TENM1: variants seen among roughly 807,000 people sequenced by gnomAD.
TENM1 encodes teneurin transmembrane protein 1, also known as teneurin-1.
Under a neutral mutation model 174.8 loss-of-function variants are expected in TENM1, and 35 were observed. The ratio of observed to expected loss-of-function variants is 0.20; its 90% CI spans 0.15 to 0.27. The LOEUF (loss-of-function observed/expected upper bound fraction) is 0.27, where lower values mean the gene tolerates loss of function less well. Among genes scored for constraint, TENM1 ranks in the 10% least tolerant of loss-of-function variants. TENM1 has a pLI of 1.00. For missense variants in TENM1, 1,633 were observed against 2,130.1 expected, an observed-to-expected ratio of 0.77 and a Z score of 4.59; for synonymous variants, 781 against 798.7, an observed-to-expected ratio of 0.98 and a Z score of 0.37.
exon 25 of TENM1, chrX:124,420,802 T>G (rs778618762): frequency 1.7e-6 from 2 of 1,208,360 alleles, no homozygotes; most frequent in Non-Finnish European, 1.1e-6. Context: ...TCTTTGCATC[T>G]TTGGCATAGC....
intron 1 of TENM1, among the ~76,000 whole-genome samples, chrX:124,922,474 T>C (rs1296077048): frequency 1.8e-5 from 2 of 111,193 alleles, no homozygotes; most frequent in Non-Finnish European, 3.8e-5. Context: ...CTTATATTTT[T>C]ATTACTTTTG....
chrX:124,588,443 A>G (rs1245159332), intron 11 of TENM1, among the ~76,000 whole-genome samples: 1 of 110,557 alleles, frequency 9.0e-6, no homozygotes, highest in Non-Finnish European at 1.9e-5. Context: ...CAGCAAGGAC[A>G]AAAAAACCAA....
intron 3 of TENM1, among the ~76,000 whole-genome samples, chrX:124,803,871 A>C (rs2055519315): frequency 8.9e-6 from 1 of 112,674 alleles, no homozygotes; most frequent in Non-Finnish European, 1.9e-5. Context: ...TGAACCTCAT[A>C]TGTGGCATTG....
chrX:124,520,560 G>A (rs771756486), exon 18 of TENM1: 16 of 1,208,710 alleles, frequency 1.3e-5, no homozygotes, highest in Admixed American at 2.2e-5. Flanking sequence ...CATAGATGTC[G>A]GTCTTGTTCC....
intron 25 of TENM1, chrX:124,412,039 T>A (rs2060542960): frequency 8.9e-6 from 1 of 112,538 alleles, no homozygotes. Context: ...AGCTGCTGAA[T>A]TGTGCCATCA....
intron 11 of TENM1, among the ~76,000 whole-genome samples, chrX:124,627,815 C>T (rs1202233369): frequency 8.9e-6 from 1 of 111,975 alleles, no homozygotes; most frequent in African/African-American, 3.2e-5. Flanking sequence ...CTCCAAGTTA[C>T]AAACCTATTA....
chrX:125,082,270 T>C, the TENM1 span, among the ~76,000 whole-genome samples: 6 of 111,093 alleles, frequency 5.4e-5, no homozygotes, highest in Admixed American at 2.9e-4. Context: ...ACTTCTTAAC[T>C]GGCCTTGCTG....
chrX:124,985,070 A>G, the TENM1 span, among the ~76,000 whole-genome samples: 5 of 112,286 alleles, frequency 4.5e-5, no homozygotes, highest in African/African-American at 9.7e-5. Flanking sequence ...TCAACAAAGC[A>G]TATGAATTAC....
chrX:125,007,871 C>A, the TENM1 span, among the ~76,000 whole-genome samples: 2 of 111,365 alleles, frequency 1.8e-5, no homozygotes, highest in African/African-American at 3.3e-5. Context: ...TGCAAGAGCT[C>A]CTGAAGGAAG....
At chrX:124,778,257 G>A (rs1428706820) in intron 3 of TENM1, among the ~76,000 whole-genome samples, 1 of 112,628 alleles carries the variant, frequency 8.9e-6, no homozygotes. Flanking sequence ...TTGTTTGCAG[G>A]TGGGAGGAGC....
chrX:124,923,483 A>T (rs1388675662), intron 1 of TENM1, among the ~76,000 whole-genome samples: 2 of 112,366 alleles, frequency 1.8e-5, no homozygotes, highest in Admixed American at 1.9e-4. Flanking sequence ...TAATCATAGT[A>T]TAACAATGTA....
At chrX:124,382,938 C>CTATT (rs3028397) in intron 30 of TENM1, 126 bp from the exon 34 acceptor site, 38,390 of 137,292 alleles carry the variant, frequency 0.28, 5,099 homozygotes, top group African/African-American at 0.41. Flanking sequence ...AATAAAACTC[C>CTATT]TATTTATTTA....
chrX:125,103,703 A>G, the TENM1 span, among the ~76,000 whole-genome samples: 1 of 112,684 alleles, frequency 8.9e-6, no homozygotes, highest in Non-Finnish European at 1.9e-5. Flanking sequence ...AATTAAGACT[A>G]GGCCGGGCGC....
chrX:124,816,246 C>T (rs2055892407), intron 3 of TENM1, among the ~76,000 whole-genome samples: 1 of 111,369 alleles, frequency 9.0e-6, no homozygotes, highest in African/African-American at 3.3e-5. Context: ...ACAAAATAAA[C>T]TTTTCTCAGA....
the TENM1 span, among the ~76,000 whole-genome samples, chrX:125,137,252 CA>C: frequency 2.7e-5 from 3 of 111,100 alleles, no homozygotes; most frequent in Non-Finnish European, 5.7e-5. Flanking sequence ...TGTATGGAGC[CA>C]TAGTGGCCTG....
intron 3 of TENM1, among the ~76,000 whole-genome samples, chrX:124,868,011 GT>G (rs2057038757): frequency 8.9e-6 from 1 of 111,765 alleles, no homozygotes; most frequent in South Asian, 3.7e-4. Context: ...AATATTCCAT[GT>G]TCATGGACTG....
exon 4 of TENM1, chrX:124,737,048 G>A: frequency 5.0e-6 from 6 of 1,211,304 alleles, no homozygotes; most frequent in Non-Finnish European, 6.7e-6. Context: ...GGAGCAGCTG[G>A]GCTGGGCTGG....
chrX:124,941,972 CTT>C (rs1372021930), intron 1 of TENM1, among the ~76,000 whole-genome samples: 1 of 111,327 alleles, frequency 9.0e-6, no homozygotes, highest in East Asian at 2.8e-4. Flanking sequence ...CAACAGATCT[CTT>C]GAGACTTATT....
rs113587474 is a variant in TENM1, at chrX:124,926,284, A to G, written c.218-30043T>C. Among the ~76,000 whole-genome samples the G allele has an allele frequency of 4.1e-3, 457 of 110,714 alleles. 3 individuals carry two copies. The highest frequency in any genetic ancestry group is 0.014 in the African/African-American group (432 of 30,499). On this transcript the variant is annotated intron_variant, in intron 1 of 31. Coordinates refer to ENST00000422452, the Ensembl canonical transcript of TENM1. ...AGGTAATGTTAGGCAAGTTTTAAAA[A>G]CTCTCTGAGCCTCAATTTCCCTCTC...
Sources: allele counts gnomAD v4.1 joint callset (sites outside exome capture counted in the v4.1 genomes callset), GRCh38; gene constraint gnomAD v4.1.1; transcripts MANE v1.5; gene names NCBI Gene and HGNC (gene_info 2026-07-23, HGNC 2026-07-21).